Variants in TERF2IP observed in about 807,000 individuals in gnomAD.
The protein encoded by TERF2IP is TERF2 interacting protein, also known as telomeric repeat-binding factor 2-interacting protein 1.
In TERF2IP, 35 loss-of-function variants were observed where a neutral mutation model predicts 33.3. That is an observed-to-expected ratio of 1.05 (90% confidence interval 0.80 to 1.39). The LOEUF (loss-of-function observed/expected upper bound fraction) is 1.39. Among genes scored for constraint, TERF2IP ranks in the 40% most tolerant of loss-of-function variants. The pLI is 0.00. For missense variants in TERF2IP, 583 were observed against 524.8 expected, an observed-to-expected ratio of 1.11 and a Z score of -1.08; for synonymous variants, 253 against 223.2, an observed-to-expected ratio of 1.13 and a Z score of -1.19.
chr16:75,656,445 C>T lies in TERF2IP; in HGVS notation c.1034C>T (p.Ala345Val). 1.2e-6 allele frequency: 2 copies of T among 1,614,196 alleles called. No individual in the cohort carries two copies. Among genetic ancestry groups the T allele is most frequent in the Non-Finnish European group, 1.7e-6 (2 of 1,180,032 alleles). Residue 345 changes from alanine to valine, a missense_variant, in exon 3 of 3, where the codon GCT (alanine) becomes GTT (valine). Physicochemically the swap from Ala to Val is moderately conservative, Grantham distance 64. Transcript: ENST00000300086. Reference sequence around the variant, plus strand: ...CTAAAAAATAGTGGTGAGCTGGAGGCTACTTCCGCCTTCTTAGCGTCTGGT... The same window carrying T: ...CTAAAAAATAGTGGTGAGCTGGAGGTTACTTCCGCCTTCTTAGCGTCTGGT... ...AFLKNSGELE[A>V]TSAFLASGQR...
intron 2 of TERF2IP, among the ~76,000 whole-genome samples, 156 bp from the exon 3 acceptor site, chr16:75,656,049 TAA>T (rs1489765972): frequency 6.6e-6 from 1 of 151,760 alleles, no homozygotes; most frequent in African/African-American, 2.4e-5. Context: ...CTGACATGAA[TAA>T]ATGTAAGAAG....
Position 75,647,863 on chromosome 16 carries a change from AG to A in TERF2IP, c.-19del, listed in dbSNP as rs1295737655. 1.2e-6 allele frequency: 2 copies of A among 1,601,694 alleles called. No individual in the cohort carries two copies. Among genetic ancestry groups the A allele is most frequent in the Admixed American group, 3.4e-5 (2 of 58,992 alleles). On this transcript the variant is annotated 5_prime_UTR_variant, in exon 1 of 3. Transcript: ENST00000300086. ...GCGCTCGCGAGGGGGTAGCTCTTCT[AG>A]TAGTGCTCGGCGTCAGACATGGCGG... is the stretch of plus-strand genomic sequence containing the variant.
chr16:75,648,557 G>C lies in TERF2IP; in HGVS notation c.670+5G>C. The C allele has an allele frequency of 1.3e-6, 2 of 1,542,948 alleles. No individual in the cohort carries two copies. Among genetic ancestry groups the C allele is most frequent in the Non-Finnish European group, 1.8e-6 (2 of 1,140,660 alleles). On this transcript the variant is annotated splice_donor_5th_base_variant and intron_variant, in intron 1 of 2. Transcript: ENST00000300086. ...CGGAGGCCGCGGATAGCGGGGGTGA[G>C]GAGGCTGAGCGCGGGGCCTCGCGGA...
chr16:75,655,428 CA>C (rs2082377436), intron 2 of TERF2IP, among the ~76,000 whole-genome samples: 1 of 152,088 alleles, frequency 6.6e-6, no homozygotes, highest in South Asian at 2.1e-4. Flanking sequence ...TTCATATTAA[CA>C]AAGAAAAATG....
Position 75,647,804 on chromosome 16 carries a change from G to A in TERF2IP, c.-79G>A, listed in dbSNP as rs1191956123. 1.3e-6 allele frequency: 2 copies of A among 1,590,234 alleles called. No homozygotes were observed. The highest frequency in any genetic ancestry group is 1.1e-5 in the South Asian group (1 of 90,210). ...GCGCTTCGCGGCAGAGGCGTCTGCG[G>A]TGACAGCTCAGTCAGTTGAGCTCTG... On this transcript the variant is annotated 5_prime_UTR_variant, in exon 1 of 3. The change creates a new upstream start codon in the 5' untranslated region. Transcript: ENST00000300086.
rs760421834 is a variant in TERF2IP, at chr16:75,648,189, C to T, written c.307C>T (p.Pro103Ser). Residue 103 changes from proline (P) to serine (S), a missense_variant, in exon 1 of 3, where the codon CCC becomes TCC. Physicochemically the swap from Pro to Ser is moderately conservative, Grantham distance 74. Transcript: ENST00000300086. ...RLELEAYRLG[P>S]ASAADTGSEA... ...GGAGCTGGAGGCCTATCGGCTGGGCCCCGCCTCGGCGGCGGACACCGGCTC... is the reference window on the plus strand; with the variant it reads ...GGAGCTGGAGGCCTATCGGCTGGGCTCCGCCTCGGCGGCGGACACCGGCTC... 126 of 1,551,712 alleles carry T rather than the reference C, an allele frequency of 8.1e-5. No individual in the cohort carries two copies. Among genetic ancestry groups the T allele is most frequent in the Admixed American group, 3.0e-4 (15 of 50,696 alleles).
chr16:75,654,173 A>AAAATT, intron 1 of TERF2IP, 100 bp from the exon 2 acceptor site: 2 of 716,328 alleles, frequency 2.8e-6, no homozygotes, highest in Non-Finnish European at 3.9e-6. Context: ...AAAAAAAAAA[A>AAAATT]GTGCAGGCTC....
chr16:75,650,321 G>A (rs566014651), intron 1 of TERF2IP, among the ~76,000 whole-genome samples: 2 of 152,180 alleles, frequency 1.3e-5, no homozygotes, highest in Non-Finnish European at 2.9e-5. Context: ...AGCAACCCAG[G>A]TGGATATCTG....
At chr16:75,656,147 A>G in intron 2 of TERF2IP, 60 bp from the exon 3 acceptor site, 1 of 1,504,282 alleles carries the variant, frequency 6.6e-7, no homozygotes, top group Non-Finnish European at 8.9e-7. Context: ...AAGAGACCAG[A>G]TATTGTAAGA....
At position 75,650,087 on chromosome 16, in the gene TERF2IP, A is replaced by C. The variant is rs143991154; in HGVS notation, c.670+1535A>C. Reference sequence around the variant, plus strand: ...AGTGACATTTCAGCTTCATTCATTCAGCAGAAATTTGAGTGCCAGACATTG... The same window carrying C: ...AGTGACATTTCAGCTTCATTCATTCCGCAGAAATTTGAGTGCCAGACATTG... On this transcript the variant is annotated intron_variant, in intron 1 of 2. Transcript: ENST00000300086. Among the ~76,000 whole-genome samples the C allele has an allele frequency of 4.4e-3, 672 of 152,326 alleles. 4 individuals are homozygous for C. Among genetic ancestry groups the C allele is most frequent in the African/African-American group, 0.015 (626 of 41,572 alleles).
chr16:75,648,660 C>T (rs1216037403), intron 1 of TERF2IP, 108 bp downstream of exon 1: 2 of 1,436,396 alleles, frequency 1.4e-6, no homozygotes, highest in African/African-American at 2.9e-5. Flanking sequence ...CAGCGCTTGG[C>T]CCCGCCCCCT....
rs1597182608 is a variant in TERF2IP, at chr16:75,647,818, A to G, written c.-65A>G. ...AGGCGTCTGCGGTGACAGCTCAGTC[A>G]GTTGAGCTCTGTGTGCCAGGCGCTC... is the stretch of plus-strand genomic sequence containing the variant. On this transcript the variant is annotated 5_prime_UTR_variant, in exon 1 of 3. Transcript: ENST00000300086. The G allele has an allele frequency of 4.4e-6, 7 of 1,585,816 alleles. No individual in the cohort carries two copies. Among genetic ancestry groups the G allele is most frequent in the Non-Finnish European group, 6.0e-6 (7 of 1,158,176 alleles).
At position 75,654,416 on chromosome 16, in the gene TERF2IP, C is replaced by A. The variant is rs72561501; in HGVS notation, c.795+19C>A. ...GGTTGTGGTATGTTAACTAGATTTA[C>A]TCATTATTTTTTTCCCTACCTTCAT... On this transcript the variant is annotated intron_variant, in intron 2 of 2. Coordinates refer to ENST00000300086, the MANE Select transcript of TERF2IP (RefSeq NM_018975.4). The A allele has an allele frequency of 3.1e-3, 4,935 of 1,607,968 alleles. 10 individuals carry two copies. The highest frequency in any genetic ancestry group is 3.6e-3 in the Non-Finnish European group (4,251 of 1,176,000).
At chr16:75,654,173 A>AT in intron 1 of TERF2IP, 100 bp from the exon 2 acceptor site, 6 of 716,306 alleles carry the variant, frequency 8.4e-6, no homozygotes, top group East Asian at 3.7e-5. Context: ...AAAAAAAAAA[A>AT]GTGCAGGCTC....
intron 1 of TERF2IP, among the ~76,000 whole-genome samples, chr16:75,652,052 T>A (rs536615917): frequency 1.3e-5 from 2 of 152,182 alleles, no homozygotes; most frequent in Admixed American, 6.5e-5. Context: ...TGATGACATT[T>A]ATAACGTATA....
In TERF2IP at chr16:75,648,245, C is replaced by G; in HGVS notation, c.363C>G (p.Gly121=). ...SEAKPGALAE[G]AAEPEPQRHA... ...CAAAGCCCGGGGCCCTGGCCGAGGGCGCCGCGGAGCCGGAGCCGCAGCGGC... is the reference window on the plus strand; with the variant it reads ...CAAAGCCCGGGGCCCTGGCCGAGGGGGCCGCGGAGCCGGAGCCGCAGCGGC... Residue 121 remains glycine (G), a synonymous_variant, in exon 1 of 3, where the codon GGC becomes GGG. Coordinates refer to ENST00000300086, the MANE Select transcript of TERF2IP (RefSeq NM_018975.4). 1 of 1,545,078 alleles carries G rather than the reference C, an allele frequency of 6.5e-7. No individual in the cohort carries two copies. Among genetic ancestry groups the G allele is most frequent in the Non-Finnish European group, 8.7e-7 (1 of 1,144,868 alleles).
chr16:75,653,574 T>A (rs1466533768), intron 1 of TERF2IP, among the ~76,000 whole-genome samples: 1 of 152,190 alleles, frequency 6.6e-6, no homozygotes, highest in Non-Finnish European at 1.5e-5. Context: ...ACAGGATGTT[T>A]AAATTTAGGA....
intron 1 of TERF2IP, among the ~76,000 whole-genome samples, chr16:75,648,892 C>T (rs1398888131): frequency 1.3e-5 from 2 of 150,596 alleles, no homozygotes; most frequent in African/African-American, 4.9e-5. Flanking sequence ...AGTGGGGGCT[C>T]GCTCCGTCGC....
intron 1 of TERF2IP, among the ~76,000 whole-genome samples, chr16:75,652,251 C>T (rs2082353394): frequency 6.6e-6 from 1 of 152,190 alleles, no homozygotes; most frequent in African/African-American, 2.4e-5. Flanking sequence ...AATACTAGCA[C>T]ACTAGACATC....
Sources: gnomAD v4.1 joint callset for allele counts (sites outside exome capture counted in the v4.1 genomes callset) on GRCh38, gnomAD v4.1.1 for gene constraint, MANE v1.5 for transcripts, NCBI Gene and HGNC (gene_info 2026-07-23, HGNC 2026-07-21) for gene names.